The following ZDHHC14 variants were observed in gnomAD, a reference collection of about 807,000 sequenced individuals.
The protein encoded by ZDHHC14 is zDHHC palmitoyltransferase 14, also known as palmitoyltransferase ZDHHC14.
A neutral mutation model predicts 47.7 loss-of-function variants in ZDHHC14; 16 were observed. The ratio of observed to expected loss-of-function variants is 0.34; its 90% CI spans 0.23 to 0.51. The LOEUF is 0.51. Among genes scored for constraint, ZDHHC14 ranks in the 20% least tolerant of loss-of-function variants. The pLI is 0.97. For synonymous variants in ZDHHC14, 293 were observed against 278.9 expected, an observed-to-expected ratio of 1.05 and a Z score of -0.50; for missense variants, 515 against 662.5, an observed-to-expected ratio of 0.78 and a Z score of 2.44.
intron 5 of ZDHHC14, among the ~76,000 whole-genome samples, chr6:157,641,011 T>A (rs1777223198): frequency 6.6e-6 from 1 of 151,962 alleles, no homozygotes; most frequent in South Asian, 2.1e-4. Flanking sequence ...AAAAGGACTC[T>A]TTTTTTTGCA....
chr6:157,391,105 A>G (rs147949705), intron 1 of ZDHHC14, among the ~76,000 whole-genome samples: 1,772 of 152,324 alleles, frequency 0.012, 15 homozygotes, highest in Non-Finnish European at 0.016. Flanking sequence ...AATGTTTTGA[A>G]GGCACAATCA....
intron 3 of ZDHHC14, among the ~76,000 whole-genome samples, chr6:157,611,733 AC>A (rs1489122983): frequency 6.6e-6 from 1 of 152,050 alleles, no homozygotes; most frequent in African/African-American, 2.4e-5. Context: ...TTTCTTCCAT[AC>A]CCAGAAAAGC....
intron 1 of ZDHHC14, among the ~76,000 whole-genome samples, chr6:157,426,905 G>A (rs1778233888): frequency 6.6e-6 from 1 of 152,236 alleles, no homozygotes; most frequent in Non-Finnish European, 1.5e-5. Context: ...GTTGAAAAGT[G>A]ACAGCTGGGG....
At chr6:157,506,043 G>T (rs980625120) in intron 1 of ZDHHC14, among the ~76,000 whole-genome samples, 1 of 152,198 alleles carries the variant, frequency 6.6e-6, no homozygotes, top group Admixed American at 6.5e-5. Flanking sequence ...TCTTCTCTAG[G>T]CACTGATCAT....
intron 2 of ZDHHC14, among the ~76,000 whole-genome samples, chr6:157,563,064 G>A (rs571803566): frequency 2.3e-4 from 35 of 152,198 alleles, no homozygotes; most frequent in Non-Finnish European, 3.5e-4. Context: ...GTAAGAAGCC[G>A]GCTCCACAAG....
At chr6:157,409,921 C>T (rs898817246) in intron 1 of ZDHHC14, among the ~76,000 whole-genome samples, 9 of 151,988 alleles carry the variant, frequency 5.9e-5, no homozygotes, top group African/African-American at 1.9e-4. Context: ...CTCTGCCTCC[C>T]GGGTTTAAGC....
chr6:157,520,153 G>A (rs767446709), intron 1 of ZDHHC14, among the ~76,000 whole-genome samples: 12 of 152,288 alleles, frequency 7.9e-5, no homozygotes, highest in Non-Finnish European at 1.6e-4. Flanking sequence ...CATCCTAGCC[G>A]TGTCCTGATC....
chr6:157,648,244 T>C (rs1196125232), intron 7 of ZDHHC14, among the ~76,000 whole-genome samples: 1 of 151,858 alleles, frequency 6.6e-6, no homozygotes, highest in Non-Finnish European at 1.5e-5. Context: ...CTAGAATGAG[T>C]TTCCAAGTTA....
chr6:157,414,097 A>C (rs560052787), intron 1 of ZDHHC14, among the ~76,000 whole-genome samples: 1 of 151,800 alleles, frequency 6.6e-6, no homozygotes, highest in East Asian at 1.9e-4. Context: ...ATGCCCAACA[A>C]ATTTTTGTAT....
chr6:157,603,323 T>A (rs1157672802), intron 3 of ZDHHC14, among the ~76,000 whole-genome samples: 1 of 152,208 alleles, frequency 6.6e-6, no homozygotes, highest in Non-Finnish European at 1.5e-5. Context: ...ACTAACATCA[T>A]AAAGAAGTAC....
rs1232839977 is a variant in ZDHHC14, at chr6:157,647,280, A to C, written c.877A>C (p.Lys293Gln). Residue 293 changes from lysine to glutamine, a missense_variant, in exon 7 of 9, where the codon AAA becomes CAA. Physicochemically the swap from Lys to Gln is moderately conservative, Grantham distance 53. Around this residue, in one of 4 missense-constraint regions of ZDHHC14, gnomAD observed 229 missense variants for 351.5 expected, o/e 0.65. Transcript: ENST00000359775. ...TCAGATTAAAGGATCCTGGTCAAAT[A>C]AAAGAGGTAAAGAAAATTACAATCC... is the stretch of plus-strand genomic sequence containing the variant. ...NEDIKGSWSN[K>Q]RGKENYNPYS... 1 of 1,613,868 alleles carries C rather than the reference A, an allele frequency of 6.2e-7. No individual in the cohort carries two copies. The highest frequency in any genetic ancestry group is 8.5e-7 in the Non-Finnish European group (1 of 1,179,882).
At chr6:157,489,108 G>A (rs78444851) in intron 1 of ZDHHC14, among the ~76,000 whole-genome samples, 2 of 152,210 alleles carry the variant, frequency 1.3e-5, no homozygotes, top group Non-Finnish European at 2.9e-5. Flanking sequence ...TTTGCAAATC[G>A]AGGGTGTAAG....
chr6:157,490,427 C>T (rs1779886616), intron 1 of ZDHHC14, among the ~76,000 whole-genome samples: 1 of 152,220 alleles, frequency 6.6e-6, no homozygotes, highest in Admixed American at 6.5e-5. Flanking sequence ...TGAAGAAGCG[C>T]AGATGTGATC....
intron 1 of ZDHHC14, among the ~76,000 whole-genome samples, chr6:157,495,529 C>A (rs112181151): frequency 0.2 from 29,815 of 151,684 alleles, 3,528 homozygotes; most frequent in African/African-American, 0.32. Context: ...AGAAGCAGGA[C>A]AACAAACCCA....
intron 8 of ZDHHC14, among the ~76,000 whole-genome samples, chr6:157,661,995 G>C (rs1379402040): frequency 3.3e-5 from 5 of 151,736 alleles, no homozygotes; most frequent in Admixed American, 6.6e-5. Flanking sequence ...GCTAATTTTT[G>C]ATAATCTTGG....
Position 157,575,532 on chromosome 6 carries a change from C to A in ZDHHC14, c.407-17456C>A, listed in dbSNP as rs1315024960. 7.2e-5 allele frequency among the ~76,000 whole-genome samples: 11 copies of A among 152,276 alleles called. No homozygotes were observed. In the East Asian group the frequency reaches 2.1e-3, roughly 29 times the overall value. ...CCTCCATATCCTCAATATAACATCT[C>A]CCTCCTGTCCTGGGACCAGGACACA... On this transcript the variant is annotated intron_variant, in intron 2 of 8. Transcript: ENST00000359775.
intron 2 of ZDHHC14, among the ~76,000 whole-genome samples, chr6:157,546,740 C>T (rs1053700663): frequency 3.9e-5 from 6 of 152,126 alleles, no homozygotes; most frequent in Non-Finnish European, 8.8e-5. Context: ...AAAAAAATGA[C>T]AAAAACTGTA....
At chr6:157,398,844 A>T (rs1285595621) in intron 1 of ZDHHC14, among the ~76,000 whole-genome samples, 1 of 152,270 alleles carries the variant, frequency 6.6e-6, no homozygotes, top group Non-Finnish European at 1.5e-5. Context: ...TCCACTGACC[A>T]GTACAAGAGA....
intron 2 of ZDHHC14, among the ~76,000 whole-genome samples, chr6:157,559,296 T>C (rs1782610518): frequency 6.6e-6 from 1 of 152,266 alleles, no homozygotes; most frequent in Non-Finnish European, 1.5e-5. Context: ...GCAGGTGTAC[T>C]GTAGCTATTG....
Sources: allele counts gnomAD v4.1 joint callset (sites outside exome capture counted in the v4.1 genomes callset), GRCh38; gene constraint gnomAD v4.1.1; regional missense constraint gnomAD v4.1.1; transcripts MANE v1.5; gene names NCBI Gene and HGNC (gene_info 2026-07-23, HGNC 2026-07-21).